Variants in CHMP3 observed in about 807,000 individuals in gnomAD.
CHMP3 encodes the protein 25.1 protein.
CHMP3 carries 8 observed loss-of-function variants against 27.4 expected under a neutral mutation model. That is an observed-to-expected ratio of 0.29 (90% CI 0.17 to 0.53). The LOEUF (loss-of-function observed/expected upper bound fraction) is 0.53. Among genes scored for constraint, CHMP3 ranks in the 20% least tolerant of loss-of-function variants. The pLI is 0.96. For missense variants in CHMP3, 208 were observed against 271.5 expected, an observed-to-expected ratio of 0.77 and a Z score of 1.64; for synonymous variants, 86 against 85.5, an observed-to-expected ratio of 1.01 and a Z score of -0.03.
intron 3 of CHMP3, among the ~76,000 whole-genome samples, chr2:86,524,255 C>A (rs1014667819): frequency 6.6e-6 from 1 of 152,140 alleles, no homozygotes; most frequent in African/African-American, 2.4e-5. Flanking sequence ...GATACAAGTC[C>A]CCAGGACTGA....
intron 1 of CHMP3, among the ~76,000 whole-genome samples, chr2:86,544,997 C>A (rs1166554500): frequency 1.6e-5 from 2 of 122,900 alleles, no homozygotes; most frequent in Admixed American, 1.6e-4. Context: ...AGACGAAGGG[C>A]GGCCGGGCAG....
Position 86,504,863 on chromosome 2 carries a change from CG to C in CHMP3, c.*940del, listed in dbSNP as rs1351212291. On this transcript the variant is annotated 3_prime_UTR_variant, in exon 6 of 6. Coordinates refer to ENST00000263856, the MANE Select transcript of CHMP3 (RefSeq NM_016079.4). Reference sequence around the variant, plus strand: ...TCCTTATTTGTAAAGACTAAGATCGCGTATGTCAAAGAGCTCTGTAAACTCT... The same window carrying C: ...TCCTTATTTGTAAAGACTAAGATCGCTATGTCAAAGAGCTCTGTAAACTCT... 6.6e-6 allele frequency: 1 copy of C among 152,118 alleles called. No individual in the cohort carries two copies. Among genetic ancestry groups the C allele is most frequent in the African/African-American group, 2.4e-5 (1 of 41,404 alleles). 9.4% of individuals were successfully genotyped at this position (152,118 alleles called of 1,614,324 possible). A position where few individuals can be genotyped will look rare whatever the true frequency, so the allele number is the denominator to read the frequency against.
At chr2:86,541,799 A>C (rs1423500962) in intron 2 of CHMP3, among the ~76,000 whole-genome samples, 1 of 151,998 alleles carries the variant, frequency 6.6e-6, no homozygotes, top group Non-Finnish European at 1.5e-5. Context: ...TATGATATTA[A>C]CTCTTCTCCA....
At chr2:86,510,276 C>T in intron 4 of CHMP3, 82 bp downstream of exon 4, 1 of 1,104,620 alleles carries the variant, frequency 9.1e-7, no homozygotes, top group South Asian at 1.3e-5. Flanking sequence ...TCATCCCCAC[C>T]CACCCTCATC....
chr2:86,549,752 G>A (rs530045970), intron 1 of CHMP3, among the ~76,000 whole-genome samples: 4 of 149,834 alleles, frequency 2.7e-5, no homozygotes, highest in Admixed American at 6.6e-5. Flanking sequence ...CAGACGGGGC[G>A]GCCAGGCAGA....
In CHMP3 at chr2:86,542,332, A is replaced by G. The variant is rs1676399331; in HGVS notation, c.46-20T>C. 3.7e-6 allele frequency: 6 copies of G among 1,611,780 alleles called. No homozygotes were observed. The highest frequency in any genetic ancestry group is 5.1e-6 in the Non-Finnish European group (6 of 1,178,518). The stretch of plus-strand genomic sequence containing the variant: ...ATTGACCTGGGAAAATTTTTAGAAA[A>G]GGAATGAGGAGAAAAGCCGAAACTC... On this transcript the variant is annotated intron_variant, in intron 1 of 5. Coordinates refer to ENST00000263856, the MANE Select transcript of CHMP3 (RefSeq NM_016079.4).
Position 86,510,353 on chromosome 2 carries a change from G to A in CHMP3, c.408+5C>T, listed in dbSNP as rs1399032709. ...GAAAGGAAAGCAGGGCTAGCCCCAAGTCACCTTCATCATTTCTTTGGACAA... is the reference window on the plus strand; with the variant it reads ...GAAAGGAAAGCAGGGCTAGCCCCAAATCACCTTCATCATTTCTTTGGACAA... On this transcript the variant is annotated splice_donor_5th_base_variant and intron_variant, in intron 4 of 5. Transcript: ENST00000263856. 6.6e-7 allele frequency: 1 copy of A among 1,511,144 alleles called. No homozygotes were observed. The highest frequency in any genetic ancestry group is 1.4e-5 in the African/African-American group (1 of 71,592). 93.6% of individuals were successfully genotyped at this position (1,511,144 alleles called of 1,614,324 possible). A position where few individuals can be genotyped will look rare whatever the true frequency, so the allele number is the denominator to read the frequency against.
intron 2 of CHMP3, among the ~76,000 whole-genome samples, chr2:86,531,650 T>C (rs1405669461): frequency 1.3e-5 from 2 of 152,200 alleles, no homozygotes; most frequent in East Asian, 1.9e-4. Flanking sequence ...GTATACATTG[T>C]TAGGTAAAGG....
intron 1 of CHMP3, among the ~76,000 whole-genome samples, chr2:86,560,865 A>G (rs1677327703): frequency 6.6e-6 from 1 of 152,128 alleles, no homozygotes; most frequent in African/African-American, 2.4e-5. Flanking sequence ...AGAGAGAATG[A>G]GGGAGAAGGT....
At chr2:86,517,560 C>A (rs1252693414) in intron 3 of CHMP3, among the ~76,000 whole-genome samples, 2 of 104,452 alleles carry the variant, frequency 1.9e-5, no homozygotes, top group African/African-American at 7.0e-5. Flanking sequence ...AGCGAGACTC[C>A]GTCTCAAAAA....
intron 2 of CHMP3, among the ~76,000 whole-genome samples, chr2:86,536,107 T>C (rs1308370064): frequency 6.8e-6 from 1 of 147,692 alleles, no homozygotes; most frequent in Non-Finnish European, 1.5e-5. Context: ...GCCATTCTCC[T>C]GCCTCAGCCT....
intron 5 of CHMP3, 184 bp downstream of exon 5, chr2:86,507,295 T>C (rs766351051): frequency 8.6e-5 from 48 of 558,846 alleles, no homozygotes; most frequent in Non-Finnish European, 1.4e-4. Flanking sequence ...ATTTTAAGAA[T>C]TGTGTTTTTT....
chr2:86,538,898 T>G (rs1185622191), intron 2 of CHMP3, among the ~76,000 whole-genome samples: 1 of 152,212 alleles, frequency 6.6e-6, no homozygotes, highest in Non-Finnish European at 1.5e-5. Context: ...TAAACATAAC[T>G]GTACAGCTAT....
chr2:86,544,336 T>C (rs946182602), intron 1 of CHMP3, among the ~76,000 whole-genome samples: 44 of 151,596 alleles, frequency 2.9e-4, no homozygotes, highest in African/African-American at 1.0e-3. Flanking sequence ...TTGATTTACA[T>C]TTTCTTTTTT....
At chr2:86,529,110 T>C (rs1171270726) in intron 3 of CHMP3, 108 bp downstream of exon 3, 14 of 1,257,880 alleles carry the variant, frequency 1.1e-5, no homozygotes, top group Non-Finnish European at 1.4e-5. Context: ...ACTAAGAAAA[T>C]ACAAAGAATA....
Position 86,515,811 on chromosome 2 carries a change from T to C in CHMP3, c.287-5332A>G, listed in dbSNP as rs539361873. Among the ~76,000 whole-genome samples, 4 of 152,348 alleles carry C rather than the reference T, an allele frequency of 2.6e-5. No homozygotes were observed. In the East Asian group the frequency reaches 7.7e-4, roughly 29 times the overall value. On this transcript the variant is annotated intron_variant, in intron 3 of 5. Coordinates refer to ENST00000263856, the MANE Select transcript of CHMP3 (RefSeq NM_016079.4). ...TTAGTATTGGGTCAGAAATATGTTT[T>C]CTCTTTTCTTTTTTGTATTGATCAT...
chr2:86,522,682 CACTAG>C (rs760865484), intron 3 of CHMP3, among the ~76,000 whole-genome samples: 57 of 152,188 alleles, frequency 3.7e-4, no homozygotes, highest in Non-Finnish European at 1.6e-4. Context: ...ACTCCATTCT[CACTAG>C]ACTAACCTAT....
At chr2:86,522,648 T>A (rs924247697) in intron 3 of CHMP3, among the ~76,000 whole-genome samples, 1 of 152,140 alleles carries the variant, frequency 6.6e-6, no homozygotes, top group Non-Finnish European at 1.5e-5. Flanking sequence ...ATACCTTCAC[T>A]CTGCACCTGT....
chr2:86,558,082 T>C (rs1039513162), intron 1 of CHMP3, among the ~76,000 whole-genome samples: 2 of 152,146 alleles, frequency 1.3e-5, no homozygotes, highest in Admixed American at 6.5e-5. Context: ...TCTGATGCCA[T>C]GGAAGGGGGC....
Sources: gnomAD v4.1 joint callset for allele counts (sites outside exome capture counted in the v4.1 genomes callset) on GRCh38, gnomAD v4.1.1 for gene constraint, MANE v1.5 for transcripts, NCBI Gene and HGNC (gene_info 2026-07-23, HGNC 2026-07-21) for gene names.